KCNH1: variants seen among roughly 807,000 people sequenced by gnomAD.
KCNH1 encodes the protein potassium voltage-gated channel subfamily H member 1.
In KCNH1, 27 loss-of-function variants were observed where a neutral mutation model predicts 69.2. The ratio of observed to expected loss-of-function variants is 0.39; its 90% confidence interval spans 0.29 to 0.54. KCNH1 has a LOEUF of 0.54. KCNH1 is among the 20% of genes least tolerant of loss of function. The pLI, the probability that KCNH1 is intolerant of heterozygous loss-of-function variation, is 0.68. For missense variants in KCNH1, 798 were observed against 1,261.6 expected (o/e 0.63, Z 5.57); for synonymous variants, 456 against 487.7 (o/e 0.93, Z 0.86).
chr1:210,864,546 C>T (rs1455566220), intron 7 of KCNH1, among the ~76,000 whole-genome samples: 1 of 152,298 alleles, frequency 6.6e-6, no homozygotes, highest in Admixed American at 6.5e-5. Flanking sequence ...AAACACTCAA[C>T]GGATGGTAAC....
intron 5 of KCNH1, among the ~76,000 whole-genome samples, chr1:211,048,406 G>A (rs1002431556): frequency 3.9e-5 from 6 of 152,096 alleles, no homozygotes; most frequent in Admixed American, 6.6e-5. Context: ...AGCATAATTC[G>A]CAACTGCAAA....
chr1:210,705,185 G>A (rs998249053), intron 10 of KCNH1, among the ~76,000 whole-genome samples: 1 of 152,270 alleles, frequency 6.6e-6, no homozygotes, highest in South Asian at 2.1e-4. Flanking sequence ...GAAAAGAGCC[G>A]AGGGCACCCG....
chr1:210,712,226 G>A (rs1374666203), intron 10 of KCNH1, among the ~76,000 whole-genome samples: 1 of 152,210 alleles, frequency 6.6e-6, no homozygotes, highest in East Asian at 1.9e-4. Context: ...ACCATGAGTG[G>A]TGATATTTGC....
chr1:211,062,570 G>T (rs987606245), intron 5 of KCNH1, among the ~76,000 whole-genome samples: 4 of 151,698 alleles, frequency 2.6e-5, no homozygotes, highest in Admixed American at 6.6e-5. Flanking sequence ...TCTGACAAGG[G>T]ATTAATAACC....
intron 6 of KCNH1, among the ~76,000 whole-genome samples, chr1:210,999,217 A>G (rs1689117599): frequency 6.6e-6 from 1 of 152,224 alleles, no homozygotes; most frequent in African/African-American, 2.4e-5. Flanking sequence ...AAATCAATGA[A>G]TCCAGGGGCT....
At chr1:211,040,683 C>T (rs1689979702) in intron 5 of KCNH1, among the ~76,000 whole-genome samples, 1 of 152,102 alleles carries the variant, frequency 6.6e-6, no homozygotes. Context: ...GTGATTTTTG[C>T]AGAGAATGGT....
chr1:211,034,424 G>T (rs114441082), intron 5 of KCNH1, among the ~76,000 whole-genome samples: 1,696 of 150,632 alleles, frequency 0.011, 36 homozygotes, highest in African/African-American at 0.038. Flanking sequence ...AGGAGTAAGG[G>T]CAGGAAGGAA....
chr1:210,995,651 A>G (rs11119654), intron 6 of KCNH1, among the ~76,000 whole-genome samples: 36,152 of 152,118 alleles, frequency 0.24, 5,891 homozygotes, highest in African/African-American at 0.45. Flanking sequence ...GCATAGGAAT[A>G]TTTTTGCAGA....
chr1:211,094,624 A>T (rs1691113601), intron 3 of KCNH1, among the ~76,000 whole-genome samples: 1 of 152,236 alleles, frequency 6.6e-6, no homozygotes, highest in African/African-American at 2.4e-5. Context: ...GCACAGGGTC[A>T]TGTGAAGCCA....
intron 5 of KCNH1, among the ~76,000 whole-genome samples, chr1:211,080,767 T>C (rs1181490061): frequency 6.6e-6 from 1 of 152,082 alleles, no homozygotes; most frequent in Admixed American, 6.6e-5. Flanking sequence ...CTAGCCATAT[T>C]GGAAAGCTGA....
intron 7 of KCNH1, among the ~76,000 whole-genome samples, chr1:210,868,967 T>G (rs1686175813): frequency 6.6e-6 from 1 of 152,176 alleles, no homozygotes; most frequent in Non-Finnish European, 1.5e-5. Flanking sequence ...TGAATAATTC[T>G]GTCAGCTTTT....
chr1:210,861,786 A>C, intron 7 of KCNH1: 1 of 769,014 alleles, frequency 1.3e-6, no homozygotes, highest in Non-Finnish European at 2.4e-6. Flanking sequence ...CTACCAATGG[A>C]CTCCACTCCT....
intron 3 of KCNH1, 35 bp from the exon 4 acceptor site, chr1:211,090,725 G>A (rs1257697781): frequency 6.3e-7 from 1 of 1,581,682 alleles, no homozygotes; most frequent in Non-Finnish European, 8.5e-7. Flanking sequence ...TCAGTAATTT[G>A]CATTCTCATT....
intron 10 of KCNH1, among the ~76,000 whole-genome samples, chr1:210,724,154 A>T (rs1278057791): frequency 6.6e-6 from 1 of 152,212 alleles, no homozygotes; most frequent in Admixed American, 6.5e-5. Context: ...GGCAAGAAAA[A>T]ATAAGACCCA....
intron 10 of KCNH1, among the ~76,000 whole-genome samples, chr1:210,693,096 T>C (rs993291966): frequency 2.0e-5 from 3 of 152,124 alleles, no homozygotes; most frequent in Non-Finnish European, 2.9e-5. Flanking sequence ...AACAAGACAA[T>C]GGATGCAAGT....
intron 6 of KCNH1, among the ~76,000 whole-genome samples, chr1:210,944,131 T>A (rs957867723): frequency 3.9e-5 from 6 of 152,208 alleles, no homozygotes; most frequent in African/African-American, 1.4e-4. Context: ...CTCGGGTCAC[T>A]CTGCAGTTCC....
rs867452733 is a variant in KCNH1, at chr1:210,963,918, T to C, written c.1033-43849A>G. 1.3e-5 allele frequency among the ~76,000 whole-genome samples: 2 copies of C among 152,118 alleles called. 1 individual carries two copies. Among genetic ancestry groups the C allele is most frequent in the South Asian group, 4.1e-4 (2 of 4,834 alleles). ...CCCAATAGAGCAAGACAGGCCAACA[T>C]TCAAATTCAGGAAATGTAGAGAACA... On this transcript the variant is annotated intron_variant, in intron 6 of 10. Coordinates refer to ENST00000271751, the MANE Select transcript of KCNH1 (RefSeq NM_172362.3).
At chr1:211,047,969 A>C (rs768745405) in intron 5 of KCNH1, among the ~76,000 whole-genome samples, 4 of 152,140 alleles carry the variant, frequency 2.6e-5, no homozygotes, top group Non-Finnish European at 5.9e-5. Flanking sequence ...TGGCCAAAAA[A>C]TGTGAAAAAA....
At chr1:210,824,673 A>G (rs1184302839) in intron 7 of KCNH1, among the ~76,000 whole-genome samples, 1 of 152,198 alleles carries the variant, frequency 6.6e-6, no homozygotes, top group Non-Finnish European at 1.5e-5. Context: ...GGAGCATTTT[A>G]ATAGCCTTTT....
Sources: allele counts gnomAD v4.1 joint callset (sites outside exome capture counted in the v4.1 genomes callset), GRCh38; gene constraint gnomAD v4.1.1; transcripts MANE v1.5; gene names NCBI Gene and HGNC (gene_info 2026-07-23, HGNC 2026-07-21).